Variants in PRRG1 observed in about 807,000 individuals in gnomAD.
PRRG1 encodes the protein proline rich and Gla domain 1, also known as transmembrane gamma-carboxyglutamic acid protein 1.
Under a neutral mutation model 11.8 loss-of-function variants are expected in PRRG1, and 5 were observed. The ratio of observed to expected loss-of-function variants is 0.42; its 90% confidence interval spans 0.22 to 0.89. PRRG1 has a LOEUF of 0.89. Ranked by LOEUF, PRRG1 falls within the 40% of genes least tolerant of loss-of-function variation. PRRG1 has a pLI of 0.28. For synonymous variants in PRRG1, 66 were observed against 60.4 expected, an observed-to-expected ratio of 1.09 and a Z score of -0.43; for missense variants, 155 against 166.1, an observed-to-expected ratio of 0.93 and a Z score of 0.37.
At chrX:37,390,160 G>T (rs188138098) in intron 1 of PRRG1, among the ~76,000 whole-genome samples, 1 of 111,399 alleles carries the variant, frequency 9.0e-6, no homozygotes, top group African/African-American at 3.3e-5. Context: ...GGCAAAAGGG[G>T]ATGGGAAGCT....
chrX:37,456,707 G>T lies in PRRG1; in HGVS notation c.*3086G>T, dbSNP rs1032807217. The T allele has an allele frequency of 2.7e-5, 3 of 111,654 alleles. No individual in the cohort carries two copies. The highest frequency in any genetic ancestry group is 5.7e-5 in the Non-Finnish European group (3 of 53,030). The allele number at this position is 111,654 out of a possible 1,213,427, so 9.2% of individuals were successfully genotyped here. On this transcript the variant is annotated 3_prime_UTR_variant, in exon 4 of 4. Coordinates refer to ENST00000378628, the MANE Select transcript of PRRG1 (RefSeq NM_001142395.2). Reference sequence around the variant, plus strand: ...TTCTTAGCATTCGTTAAAATTAAGGGGTTTGTTTGGAATAATATATATTTT... The same window carrying T: ...TTCTTAGCATTCGTTAAAATTAAGGTGTTTGTTTGGAATAATATATATTTT...
chrX:37,405,209 T>A (rs1177953333), intron 1 of PRRG1, among the ~76,000 whole-genome samples: 1 of 112,079 alleles, frequency 8.9e-6, no homozygotes, highest in African/African-American at 3.2e-5. Context: ...TAACACACTT[T>A]TTAACATGCT....
intron 1 of PRRG1, among the ~76,000 whole-genome samples, chrX:37,377,952 A>G (rs1453605596): frequency 9.0e-6 from 1 of 111,670 alleles, no homozygotes; most frequent in Non-Finnish European, 1.9e-5. Context: ...AGCTGTATGC[A>G]GCCTTTTTCT....
At chrX:37,387,496 C>A (rs985220859) in intron 1 of PRRG1, among the ~76,000 whole-genome samples, 1 of 111,439 alleles carries the variant, frequency 9.0e-6, no homozygotes, top group African/African-American at 3.3e-5. Context: ...TAAATCGTGG[C>A]AGAAGGCGAA....
At chrX:37,359,523 A>G (rs1215378461) in intron 1 of PRRG1, among the ~76,000 whole-genome samples, 1 of 111,141 alleles carries the variant, frequency 9.0e-6, no homozygotes, top group African/African-American at 3.3e-5. Flanking sequence ...TTTTTTATAT[A>G]TGGTTGGTGG....
intron 1 of PRRG1, among the ~76,000 whole-genome samples, chrX:37,386,007 G>A (rs782443880): frequency 8.0e-4 from 89 of 111,154 alleles, no homozygotes; most frequent in Middle Eastern, 4.6e-3. Context: ...GTGATCCACC[G>A]GCCTTGGCCT....
chrX:37,402,815 C>A (rs1932048424), intron 1 of PRRG1, among the ~76,000 whole-genome samples: 1 of 111,227 alleles, frequency 9.0e-6, no homozygotes, highest in Non-Finnish European at 1.9e-5. Flanking sequence ...AAAAAGTGGG[C>A]AAAGGACATG....
chrX:37,370,347 A>G lies in PRRG1; in HGVS notation c.-42+20952A>G, dbSNP rs1383581465. Among the ~76,000 whole-genome samples the G allele has an allele frequency of 3.6e-5, 4 of 112,103 alleles. No homozygotes were observed. The Admixed American group carries it at 3.7e-4, about 11-fold the overall frequency. On this transcript the variant is annotated intron_variant, in intron 1 of 3. Transcript: ENST00000378628. ...CATACTGATTTATATTTTTTTGGAT[A>G]TATACCCCATAGTGGAATTGATGGC...
intron 1 of PRRG1, among the ~76,000 whole-genome samples, chrX:37,402,291 T>G (rs1932023379): frequency 9.0e-6 from 1 of 111,329 alleles, no homozygotes; most frequent in African/African-American, 3.3e-5. Flanking sequence ...AACAGACATA[T>G]AGACCAATGG....
At chrX:37,374,117 T>C (rs1556371511) in intron 1 of PRRG1, among the ~76,000 whole-genome samples, 2 of 112,361 alleles carry the variant, frequency 1.8e-5, no homozygotes, top group African/African-American at 6.5e-5. Flanking sequence ...TCCAGGAATA[T>C]ATTCCATTTG....
At chrX:37,441,594 C>T (rs1414689616) in intron 3 of PRRG1, 11 of 786,349 alleles carry the variant, frequency 1.4e-5, no homozygotes, top group Admixed American at 1.2e-4. Context: ...TCAACAACCA[C>T]GTCAACCTGG....
At chrX:37,384,021 GA>G (rs368250820) in intron 1 of PRRG1, among the ~76,000 whole-genome samples, 4,986 of 92,376 alleles carry the variant, frequency 0.054, 294 homozygotes, top group African/African-American at 0.18. Flanking sequence ...ACTCATAAAA[GA>G]AAAAAAAAAA....
chrX:37,350,932 G>A (rs2146913114), intron 1 of PRRG1, among the ~76,000 whole-genome samples: 1 of 110,652 alleles, frequency 9.0e-6, no homozygotes, highest in East Asian at 2.9e-4. Context: ...GGGAGTGTTA[G>A]GGATGCCTTT....
chrX:37,352,833 A>C (rs2146914991), intron 1 of PRRG1, among the ~76,000 whole-genome samples: 1 of 111,919 alleles, frequency 8.9e-6, no homozygotes, highest in East Asian at 2.8e-4. Context: ...ATTTTGGTCA[A>C]CTATGGACAA....
chrX:37,365,130 G>A (rs782286690), intron 1 of PRRG1, among the ~76,000 whole-genome samples: 6 of 111,898 alleles, frequency 5.4e-5, no homozygotes, highest in Non-Finnish European at 9.4e-5. Flanking sequence ...GGACAAATGC[G>A]GGAATAAAGA....
intron 1 of PRRG1, among the ~76,000 whole-genome samples, chrX:37,365,197 A>C (rs187775172): frequency 1.2e-3 from 130 of 111,543 alleles, no homozygotes; most frequent in African/African-American, 3.9e-3. Flanking sequence ...CTTCTGGTGA[A>C]CAAGGGCCCT....
chrX:37,392,606 C>T (rs1166084009), intron 1 of PRRG1, among the ~76,000 whole-genome samples: 19 of 101,501 alleles, frequency 1.9e-4, no homozygotes, highest in Admixed American at 3.3e-4. Context: ...TGCAGTGAGC[C>T]GTGATCACGC....
intron 1 of PRRG1, among the ~76,000 whole-genome samples, chrX:37,386,902 T>C (rs950736046): frequency 8.9e-6 from 1 of 112,671 alleles, no homozygotes; most frequent in Non-Finnish European, 1.9e-5. Context: ...TGGTTTGTTA[T>C]GCTAAAAGCC....
chrX:37,404,922 C>T (rs1438075592), intron 1 of PRRG1, among the ~76,000 whole-genome samples: 1 of 111,705 alleles, frequency 9.0e-6, no homozygotes, highest in African/African-American at 3.3e-5. Context: ...GTTATCTTGT[C>T]CAGTTTTCCA....
Sources: gnomAD v4.1 joint callset for allele counts (sites outside exome capture counted in the v4.1 genomes callset) on GRCh38, gnomAD v4.1.1 for gene constraint, MANE v1.5 for transcripts, NCBI Gene and HGNC (gene_info 2026-07-23, HGNC 2026-07-21) for gene names.